The following OLFM3 variants were observed in gnomAD, a reference collection of about 807,000 sequenced individuals.
The protein encoded by OLFM3 is noelin-3.
Under a neutral mutation model 48.6 loss-of-function variants are expected in OLFM3, and 20 were observed. The ratio of observed to expected loss-of-function variants is 0.41; its 90% CI spans 0.29 to 0.60. The LOEUF (loss-of-function observed/expected upper bound fraction) is 0.60, where lower values mean the gene tolerates loss of function less well. Ranked by LOEUF, OLFM3 falls within the 20% of genes least tolerant of loss-of-function variation. The pLI, the probability that OLFM3 is intolerant of heterozygous loss-of-function variation, is 0.28. For synonymous variants in OLFM3, 222 were observed against 198.1 expected (o/e 1.12, Z -1.01); for missense variants, 437 against 544.3 (o/e 0.80, Z 1.96).
At chr1:101,943,579 C>T (rs1189790152) in intron 1 of OLFM3, among the ~76,000 whole-genome samples, 5 of 152,188 alleles carry the variant, frequency 3.3e-5, no homozygotes, top group African/African-American at 1.2e-4. Context: ...CGTGATGATT[C>T]TCTTGAAGAT....
At chr1:101,984,459 G>T (rs932211839) in intron 1 of OLFM3, among the ~76,000 whole-genome samples, 2 of 151,528 alleles carry the variant, frequency 1.3e-5, no homozygotes, top group African/African-American at 2.4e-5. Flanking sequence ...GTGCAGAGGC[G>T]CCATCTTGGC....
At chr1:101,938,595 A>T (rs1279005853) in intron 1 of OLFM3, among the ~76,000 whole-genome samples, 1 of 152,234 alleles carries the variant, frequency 6.6e-6, no homozygotes, top group Non-Finnish European at 1.5e-5. Flanking sequence ...TGCACATCAT[A>T]GCACAGGCTG....
At chr1:101,899,363 G>C (rs1658315365) in intron 1 of OLFM3, among the ~76,000 whole-genome samples, 1 of 152,158 alleles carries the variant, frequency 6.6e-6, no homozygotes, top group African/African-American at 2.4e-5. Context: ...GCAAACAAAA[G>C]GGAGAATAAG....
In OLFM3 at chr1:101,909,390, T is replaced by C. The variant is rs139180614; in HGVS notation, c.70-72365A>G. ...ATTTTTTGTACAAATGAAAAGTATTTGGGCAGGCTTATAATAGACACTGAG... is the reference window on the plus strand; with the variant it reads ...ATTTTTTGTACAAATGAAAAGTATTCGGGCAGGCTTATAATAGACACTGAG... On this transcript the variant is annotated intron_variant, in intron 1 of 5. Transcript: ENST00000370103. Among the ~76,000 whole-genome samples the C allele has an allele frequency of 1.0e-2, 1,519 of 152,362 alleles. 26 individuals carry two copies. Among genetic ancestry groups the C allele is most frequent in the African/African-American group, 0.034 (1,409 of 41,582 alleles).
intron 1 of OLFM3, among the ~76,000 whole-genome samples, chr1:101,940,734 G>GTATA (rs1249135129): frequency 1.3e-5 from 2 of 148,642 alleles, no homozygotes; most frequent in African/African-American, 2.5e-5. Context: ...ATATAGCTTT[G>GTATA]TATATATATG....
At chr1:101,820,601 T>C (rs1654565770) in intron 4 of OLFM3, among the ~76,000 whole-genome samples, 1 of 152,100 alleles carries the variant, frequency 6.6e-6, no homozygotes, top group South Asian at 2.1e-4. Context: ...ATTTTCCTAA[T>C]TTCTCCAAAC....
Position 101,836,900 on chromosome 1 carries a change from T to A in OLFM3, c.195A>T (p.Gln65His), listed in dbSNP as rs768189114. The change falls in exon 2 of 6, where the codon CAA (glutamine) becomes CAT (histidine). Residue 65 changes from glutamine to histidine, a missense_variant. Physicochemically the swap from Gln to His is conservative, Grantham distance 24 (BLOSUM62 0). Coordinates refer to ENST00000370103, the MANE Select transcript of OLFM3 (RefSeq NM_058170.4). ...CTACCTTTTCCAGTAGTTGGCGAAG[T>A]TGCCTGCTTTTGGCATCCCGGGAAC... ...NLCSRDAKSRQLRQLLEKVQN... is the reference protein window; with the variant it reads ...NLCSRDAKSRHLRQLLEKVQN... 6.2e-7 allele frequency: 1 copy of A among 1,614,164 alleles called. No individual in the cohort carries two copies. The highest frequency in any genetic ancestry group is 1.1e-5 in the South Asian group (1 of 91,086).
chr1:101,880,093 A>G (rs926549042), intron 1 of OLFM3, among the ~76,000 whole-genome samples: 2 of 151,920 alleles, frequency 1.3e-5, no homozygotes, highest in African/African-American at 4.8e-5. Context: ...GAGATTAACT[A>G]TTTCTTCACT....
chr1:101,887,079 G>T (rs1341764755), intron 1 of OLFM3, among the ~76,000 whole-genome samples: 2 of 151,750 alleles, frequency 1.3e-5, no homozygotes, highest in African/African-American at 4.8e-5. Context: ...ATTAGCTGGA[G>T]AAAATTTTGT....
chr1:101,874,889 T>A (rs1657238341), intron 1 of OLFM3, among the ~76,000 whole-genome samples: 1 of 151,962 alleles, frequency 6.6e-6, no homozygotes, highest in African/African-American at 2.4e-5. Flanking sequence ...AATTTTCCCA[T>A]CCTGATTTAA....
chr1:101,860,702 C>G (rs1656618644), intron 1 of OLFM3, among the ~76,000 whole-genome samples: 1 of 151,992 alleles, frequency 6.6e-6, no homozygotes, highest in South Asian at 2.1e-4. Context: ...ATATTAACTT[C>G]CATCATATTT....
chr1:101,812,980 G>T (rs1344826442), intron 4 of OLFM3: 4 of 1,035,566 alleles, frequency 3.9e-6, no homozygotes, highest in Non-Finnish European at 4.7e-6. Flanking sequence ...TTATTCATTT[G>T]ACAACCATTT....
In OLFM3 at chr1:101,996,758, T is replaced by C. The variant is rs150154547; in HGVS notation, c.59A>G (p.Asp20Gly). 1 of 1,614,124 alleles carries C rather than the reference T, an allele frequency of 6.2e-7. No individual in the cohort carries two copies. The highest frequency in any genetic ancestry group is 1.3e-5 in the African/African-American group (1 of 74,956). Residue 20 changes from aspartate to glycine, a missense_variant, in exon 1 of 6, where the codon GAT (aspartate) becomes GGT (glycine). By Grantham distance (94) the Asp-to-Gly change is moderately conservative. Around this residue, in one of 3 missense-constraint regions of OLFM3, gnomAD observed 314 missense variants for 365.5 expected, o/e 0.86. Transcript: ENST00000370103. ...LLLLSLFAGL[D>G]PSKTQISPKE... Reference sequence around the variant, plus strand: ...AAATATTGTTCATACCTTGGAAGGATCTAATCCGGCAAACAAAGACAGCAG... The same window carrying C: ...AAATATTGTTCATACCTTGGAAGGACCTAATCCGGCAAACAAAGACAGCAG...
At chr1:101,879,894 GA>G (rs1657450421) in intron 1 of OLFM3, among the ~76,000 whole-genome samples, 1 of 151,722 alleles carries the variant, frequency 6.6e-6, no homozygotes, top group Non-Finnish European at 1.5e-5. Context: ...TTATTGTAAA[GA>G]AAAATAGCAT....
chr1:101,934,549 G>A (rs7522914), intron 1 of OLFM3, among the ~76,000 whole-genome samples: 63,941 of 151,892 alleles, frequency 0.42, 13,835 homozygotes, highest in Middle Eastern at 0.51. Flanking sequence ...TACTGACCAT[G>A]TTAGACAGAT....
At chr1:101,835,831 A>G (rs1655373344) in intron 2 of OLFM3, among the ~76,000 whole-genome samples, 1 of 152,210 alleles carries the variant, frequency 6.6e-6, no homozygotes, top group Admixed American at 6.5e-5. Context: ...ACATGAAAAA[A>G]TCCTAAAATC....
chr1:101,835,809 C>T (rs942426261), intron 2 of OLFM3, among the ~76,000 whole-genome samples: 11 of 152,066 alleles, frequency 7.2e-5, no homozygotes, highest in Non-Finnish European at 1.5e-4. Context: ...ACAGACTAAG[C>T]TTTATATAAG....
intron 1 of OLFM3, among the ~76,000 whole-genome samples, chr1:101,950,043 A>G (rs1322703176): frequency 3.3e-4 from 50 of 151,650 alleles, no homozygotes; most frequent in Admixed American, 6.6e-4. Context: ...AAAAAAAAAA[A>G]AAAAAGAAAA....
In OLFM3 at chr1:101,802,940, C is replaced by T. The variant is rs576995278; in HGVS notation, c.*1298G>A. The stretch of plus-strand genomic sequence containing the variant: ...CTTATATGTTTCATAGAGTTATTAA[C>T]ATAAGTATTATTAAAGCTCTTCCCT... On this transcript the variant is annotated 3_prime_UTR_variant, in exon 6 of 6. Coordinates refer to ENST00000370103, the MANE Select transcript of OLFM3 (RefSeq NM_058170.4). 8.6e-5 allele frequency: 13 copies of T among 151,646 alleles called. No homozygotes were observed. The highest frequency in any genetic ancestry group is 2.7e-4 in the African/African-American group (11 of 41,436). The allele number at this position is 151,646 out of a possible 1,614,324, so 9.4% of individuals were successfully genotyped here.
Sources: gnomAD v4.1 joint callset for allele counts (sites outside exome capture counted in the v4.1 genomes callset) on GRCh38, gnomAD v4.1.1 for gene constraint, gnomAD v4.1.1 regional missense constraint, MANE v1.5 for transcripts, NCBI Gene and HGNC (gene_info 2026-07-23, HGNC 2026-07-21) for gene names.